ESR1: variants seen among roughly 807,000 people sequenced by gnomAD.
ESR1 encodes the protein estrogen receptor.
In ESR1, 12 loss-of-function variants were observed where a neutral mutation model predicts 52.7. The ratio of observed to expected loss-of-function variants is 0.23; its 90% CI spans 0.15 to 0.37. The LOEUF (loss-of-function observed/expected upper bound fraction) is 0.37, where lower values mean the gene tolerates loss of function less well. Among genes scored for constraint, ESR1 ranks in the 10% least tolerant of loss-of-function variants. The pLI is 1.00. For synonymous variants in ESR1, 305 were observed against 316.8 expected, an observed-to-expected ratio of 0.96 and a Z score of 0.39; for missense variants, 584 against 779.7, an observed-to-expected ratio of 0.75 and a Z score of 2.99.
At chr6:151,967,776 G>GT (rs970294518) in intron 4 of ESR1, among the ~76,000 whole-genome samples, 2 of 152,146 alleles carry the variant, frequency 1.3e-5, no homozygotes, top group African/African-American at 4.8e-5. Flanking sequence ...TTCCACAATG[G>GT]TTGACTAATT....
At chr6:151,666,007 GA>G (rs1777809389) in intron 1 of ESR1, among the ~76,000 whole-genome samples, 1 of 152,136 alleles carries the variant, frequency 6.6e-6, no homozygotes, top group South Asian at 2.1e-4. Flanking sequence ...AAATTATTGG[GA>G]AAAAATTCCA....
At chr6:151,898,615 T>C (rs1257889748) in intron 3 of ESR1, among the ~76,000 whole-genome samples, 1 of 152,074 alleles carries the variant, frequency 6.6e-6, no homozygotes, top group Non-Finnish European at 1.5e-5. Context: ...ACGAGCATGC[T>C]GCCTTCAAGC....
At chr6:151,852,296 A>G (rs1786908110) in intron 2 of ESR1, among the ~76,000 whole-genome samples, 1 of 152,198 alleles carries the variant, frequency 6.6e-6, no homozygotes. Flanking sequence ...ATTAATTTTA[A>G]AGAAACTTGA....
intron 2 of ESR1, among the ~76,000 whole-genome samples, chr6:151,865,526 C>T (rs908210304): frequency 1.3e-5 from 2 of 152,194 alleles, no homozygotes; most frequent in African/African-American, 4.8e-5. Context: ...TAAACAGGCC[C>T]ATATTCCTGC....
chr6:151,736,174 C>T (rs1271909099), intron 2 of ESR1, among the ~76,000 whole-genome samples: 1 of 152,118 alleles, frequency 6.6e-6, no homozygotes, highest in Non-Finnish European at 1.5e-5. Context: ...TTAATACTGT[C>T]CTTTCCATTA....
intron 6 of ESR1, among the ~76,000 whole-genome samples, chr6:152,079,172 C>T (rs188403393): frequency 1.8e-4 from 28 of 152,196 alleles, no homozygotes; most frequent in Admixed American, 3.9e-4. Flanking sequence ...ACCAAGAGAC[C>T]GCCACCTCAA....
chr6:151,849,326 ATAG>A (rs1483760855), intron 2 of ESR1, among the ~76,000 whole-genome samples: 1 of 152,122 alleles, frequency 6.6e-6, no homozygotes, highest in Non-Finnish European at 1.5e-5. Flanking sequence ...TCCCTACTAA[ATAG>A]TAGAATATGG....
chr6:151,902,191 A>G (rs1378780879), intron 3 of ESR1, among the ~76,000 whole-genome samples: 2 of 152,184 alleles, frequency 1.3e-5, no homozygotes, highest in Non-Finnish European at 2.9e-5. Context: ...AAAAGAGGTC[A>G]TTCACAAAAA....
chr6:151,670,576 G>A (rs1360261754), intron 1 of ESR1, among the ~76,000 whole-genome samples: 2 of 129,872 alleles, frequency 1.5e-5, no homozygotes, highest in Non-Finnish European at 3.3e-5. Flanking sequence ...TCTAGGTGAA[G>A]AAGGCACTTA....
At chr6:151,727,981 G>A (rs1267453975) in intron 2 of ESR1, among the ~76,000 whole-genome samples, 4 of 152,170 alleles carry the variant, frequency 2.6e-5, no homozygotes, top group South Asian at 2.1e-4. Flanking sequence ...TCATAGCAGC[G>A]TGAAAATTAA....
chr6:151,750,887 G>A (rs1783851799), intron 2 of ESR1, among the ~76,000 whole-genome samples: 2 of 152,146 alleles, frequency 1.3e-5, no homozygotes, highest in Non-Finnish European at 2.9e-5. Flanking sequence ...TTTTGTTTCA[G>A]AAGGCCAAGG....
At chr6:151,666,696 C>CCCTCCTCCTCCTCCT (rs56871778) in intron 1 of ESR1, among the ~76,000 whole-genome samples, 25 of 97,394 alleles carry the variant, frequency 2.6e-4, no homozygotes, top group South Asian at 4.0e-4. Flanking sequence ...TTCCCCATCC[C>CCCTCCTCCTCCTCCT]CCTCCTCCTC....
At chr6:151,763,242 C>G (rs1308533241) in intron 2 of ESR1, among the ~76,000 whole-genome samples, 2 of 151,248 alleles carry the variant, frequency 1.3e-5, no homozygotes, top group African/African-American at 4.9e-5. Context: ...TTTTTGCATC[C>G]TTGTCACTAC....
At chr6:151,877,666 C>T (rs1438237050) in intron 2 of ESR1, among the ~76,000 whole-genome samples, 1 of 152,180 alleles carries the variant, frequency 6.6e-6, no homozygotes, top group Non-Finnish European at 1.5e-5. Flanking sequence ...GCCAACTGGT[C>T]TCTGACCCAA....
chr6:151,854,336 T>C (rs1470736206), intron 2 of ESR1, among the ~76,000 whole-genome samples: 4 of 152,164 alleles, frequency 2.6e-5, no homozygotes, highest in Non-Finnish European at 2.9e-5. Flanking sequence ...GAGAGCAGAT[T>C]TGATTTTTTT....
At chr6:152,108,851 T>C (rs1237226132) in intron 6 of ESR1, among the ~76,000 whole-genome samples, 1 of 152,226 alleles carries the variant, frequency 6.6e-6, no homozygotes. Flanking sequence ...GAATGTACGT[T>C]GTATTAGCCC....
intron 1 of ESR1, among the ~76,000 whole-genome samples, chr6:151,671,514 G>T (rs999355843): frequency 6.6e-6 from 1 of 152,162 alleles, no homozygotes; most frequent in Non-Finnish European, 1.5e-5. Flanking sequence ...AGAATGGTGG[G>T]TTGCTGGGGA....
At chr6:151,977,016 T>C (rs1562621446) in intron 4 of ESR1, among the ~76,000 whole-genome samples, 1 of 152,138 alleles carries the variant, frequency 6.6e-6, no homozygotes, top group East Asian at 1.9e-4. Context: ...CTAGATGCCA[T>C]GAAAAACCCA....
At chr6:151,976,485 G>A (rs2128655231) in intron 4 of ESR1, among the ~76,000 whole-genome samples, 1 of 151,622 alleles carries the variant, frequency 6.6e-6, no homozygotes, top group East Asian at 1.9e-4. Flanking sequence ...TTCACACCAT[G>A]CCTATAAAAC....
Sources: allele counts gnomAD v4.1 joint callset (sites outside exome capture counted in the v4.1 genomes callset), GRCh38; gene constraint gnomAD v4.1.1; transcripts MANE v1.5; gene names NCBI Gene and HGNC (gene_info 2026-07-23, HGNC 2026-07-21).